Variants in PEX5L observed in about 807,000 individuals in gnomAD.
The protein encoded by PEX5L is PEX5-related protein.
Under a neutral mutation model 84.0 loss-of-function variants are expected in PEX5L, and 30 were observed. The ratio of observed to expected loss-of-function variants is 0.36; its 90% CI spans 0.27 to 0.48. The LOEUF is 0.48. PEX5L is among the 20% of genes least tolerant of loss of function. PEX5L has a pLI of 0.99. For synonymous variants in PEX5L, 270 were observed against 283.1 expected (o/e 0.95, Z 0.46); for missense variants, 533 against 754.6 (o/e 0.71, Z 3.44).
At chr3:179,984,347 C>T (rs1482568051) in intron 1 of PEX5L, among the ~76,000 whole-genome samples, 2 of 151,992 alleles carry the variant, frequency 1.3e-5, no homozygotes, top group Non-Finnish European at 2.9e-5. Flanking sequence ...ATACATCTCA[C>T]TAAAATTTTT....
chr3:179,961,211 G>C (rs1329189242), intron 2 of PEX5L, among the ~76,000 whole-genome samples: 2 of 151,848 alleles, frequency 1.3e-5, no homozygotes, highest in African/African-American at 4.8e-5. Context: ...ATGTGTGTGT[G>C]TGTGTGTGTG....
In PEX5L at chr3:179,943,961, A is replaced by G. The variant is rs1776837670; in HGVS notation, c.93+27633T>C. Among the ~76,000 whole-genome samples the G allele has an allele frequency of 2.6e-5, 4 of 152,130 alleles. No homozygotes were observed. The South Asian group carries it at 8.3e-4, about 32-fold the overall frequency. ...TGAGGACAAGTGATGCCTACTCTCA[A>G]TGGGGCTCTCTCAACAAACTTGCCA... On this transcript the variant is annotated intron_variant, in intron 2 of 14. Coordinates refer to ENST00000467460, the MANE Select transcript of PEX5L (RefSeq NM_016559.3).
chr3:179,873,572 A>G (rs778039936), intron 7 of PEX5L, among the ~76,000 whole-genome samples: 1 of 152,282 alleles, frequency 6.6e-6, no homozygotes, highest in Middle Eastern at 3.4e-3. Flanking sequence ...GGTCTTAATC[A>G]TAGGAGATAA....
At chr3:180,010,246 CTT>C (rs1178375452) in intron 1 of PEX5L, among the ~76,000 whole-genome samples, 3 of 105,178 alleles carry the variant, frequency 2.9e-5, no homozygotes, top group Non-Finnish European at 3.7e-5. Flanking sequence ...CACCCGGCCT[CTT>C]TTTTTTTTTT....
chr3:180,034,151 C>G (rs1291539905), intron 1 of PEX5L, among the ~76,000 whole-genome samples: 1 of 152,156 alleles, frequency 6.6e-6, no homozygotes, highest in Non-Finnish European at 1.5e-5. Flanking sequence ...CTTCAAACTG[C>G]TAATTTACAA....
In PEX5L at chr3:180,012,740, C is replaced by A. The variant is rs1254270945; in HGVS notation, c.21+23839G>T. Among the ~76,000 whole-genome samples, 5 of 151,886 alleles carry A rather than the reference C, an allele frequency of 3.3e-5. No homozygotes were observed. The South Asian group carries it at 1.0e-3, about 32-fold the overall frequency. On this transcript the variant is annotated intron_variant, in intron 1 of 14. Coordinates refer to ENST00000467460, the MANE Select transcript of PEX5L (RefSeq NM_016559.3). The stretch of plus-strand genomic sequence containing the variant: ...AAATTCCAGTATATGAAATATATAG[C>A]ATACTTTTGAAGAATAAGTTAAATT...
chr3:180,007,322 G>A (rs9848356), intron 1 of PEX5L, among the ~76,000 whole-genome samples: 4,781 of 152,290 alleles, frequency 0.031, 278 homozygotes, highest in African/African-American at 0.11. Flanking sequence ...GTGGGTTCCC[G>A]TGGTTTTGGG....
At chr3:179,967,684 C>T (rs1359882878) in intron 2 of PEX5L, among the ~76,000 whole-genome samples, 2 of 61,426 alleles carry the variant, frequency 3.3e-5, no homozygotes, top group Non-Finnish European at 6.0e-5. Context: ...GTTTTTAGAT[C>T]CCTGGGTAAA....
intron 3 of PEX5L, among the ~76,000 whole-genome samples, chr3:179,893,879 A>G (rs1478725110): frequency 6.6e-6 from 1 of 152,090 alleles, no homozygotes; most frequent in Admixed American, 6.6e-5. Flanking sequence ...TTTTGTTTAT[A>G]TATGAATGAA....
chr3:180,015,506 A>G (rs916183890), intron 1 of PEX5L, among the ~76,000 whole-genome samples: 9 of 152,184 alleles, frequency 5.9e-5, no homozygotes, highest in African/African-American at 9.7e-5. Context: ...ATTGTCTTAC[A>G]TGGTGAGAGA....
At chr3:179,933,776 C>T (rs1218167605) in intron 2 of PEX5L, among the ~76,000 whole-genome samples, 1 of 152,228 alleles carries the variant, frequency 6.6e-6, no homozygotes, top group East Asian at 1.9e-4. Flanking sequence ...GCATCAGGCT[C>T]ACCTGAAGAG....
At position 180,036,574 on chromosome 3, in the gene PEX5L, C is replaced by G; in HGVS notation, c.21+5G>C. 1 of 1,614,028 alleles carries G rather than the reference C, an allele frequency of 6.2e-7. No homozygotes were observed. Among genetic ancestry groups the G allele is most frequent in the Non-Finnish European group, 8.5e-7 (1 of 1,179,858 alleles). ...ATTCTCTCCAGCCCTATAGAAATGTCTTACCTGCATGTGTCCCTGGTACAT... is the reference window on the plus strand; with the variant it reads ...ATTCTCTCCAGCCCTATAGAAATGTGTTACCTGCATGTGTCCCTGGTACAT... On this transcript the variant is annotated splice_donor_5th_base_variant and intron_variant, in intron 1 of 14. Coordinates refer to ENST00000467460, the MANE Select transcript of PEX5L (RefSeq NM_016559.3).
intron 5 of PEX5L, among the ~76,000 whole-genome samples, chr3:179,876,257 G>T (rs1010518163): frequency 6.6e-6 from 1 of 152,100 alleles, no homozygotes; most frequent in African/African-American, 2.4e-5. Context: ...ACATTGGGAG[G>T]CAGAGGCGGG....
intron 1 of PEX5L, chr3:179,974,256 A>T: frequency 1.1e-6 from 1 of 923,584 alleles, no homozygotes; most frequent in Non-Finnish European, 1.3e-6. Context: ...CCACCTTCCA[A>T]GTGTGAGGGG....
At chr3:179,916,269 C>A (rs1343394726) in intron 2 of PEX5L, among the ~76,000 whole-genome samples, 6 of 152,140 alleles carry the variant, frequency 3.9e-5, no homozygotes, top group African/African-American at 1.4e-4. Context: ...GCCTCATACA[C>A]ATCTAAGCTA....
rs1261588344 is a variant in PEX5L at position 179,997,543 on chromosome 3, T to TTG, written c.22-25879_22-25878insCA. Among the ~76,000 whole-genome samples the TTG allele has an allele frequency of 4.6e-5, 7 of 152,214 alleles. No homozygotes were observed. In the East Asian group the frequency reaches 1.4e-3, roughly 29 times the overall value. On this transcript the variant is annotated intron_variant, in intron 1 of 14. Transcript: ENST00000467460. ...TAGAAAAATAGCAAATCAAAAACAA[T>TTG]ATCACATCCCTGGAGGGGTTGCAGA...
intron 2 of PEX5L, among the ~76,000 whole-genome samples, chr3:179,925,364 A>G (rs1043509264): frequency 5.3e-4 from 25 of 47,258 alleles, no homozygotes; most frequent in African/African-American, 2.1e-3. Context: ...AGTTTTTTTT[A>G]TGTGTCCTTC....
At chr3:180,015,625 A>G (rs1789878298) in intron 1 of PEX5L, among the ~76,000 whole-genome samples, 1 of 151,982 alleles carries the variant, frequency 6.6e-6, no homozygotes, top group Admixed American at 6.6e-5. Flanking sequence ...ACTTCTGGGA[A>G]TTCACAAAAT....
Position 179,801,737 on chromosome 3 carries a change from T to A in PEX5L, c.*91A>T. On this transcript the variant is annotated 3_prime_UTR_variant, in exon 15 of 15. Coordinates refer to ENST00000467460, the MANE Select transcript of PEX5L (RefSeq NM_016559.3). ...GACCATGGCCTTTTGAATATTTGAT[T>A]TATCCTTTTGAAATTCATAATAAAA... The A allele has an allele frequency of 2.2e-6, 2 of 909,834 alleles. No homozygotes were observed. The highest frequency in any genetic ancestry group is 2.8e-5 in the South Asian group (2 of 72,508). 56.4% of individuals were successfully genotyped at this position (909,834 alleles called of 1,614,324 possible). A position where few individuals can be genotyped will look rare whatever the true frequency, so the allele number is the denominator to read the frequency against.
Sources: allele counts gnomAD v4.1 joint callset (sites outside exome capture counted in the v4.1 genomes callset), GRCh38; gene constraint gnomAD v4.1.1; transcripts MANE v1.5; gene names NCBI Gene and HGNC (gene_info 2026-07-23, HGNC 2026-07-21).